AGBL4: variants seen among roughly 807,000 people sequenced by gnomAD.
AGBL4 encodes AGBL carboxypeptidase 4, also known as cytosolic carboxypeptidase 6.
In AGBL4, 58 loss-of-function variants were observed where a neutral mutation model predicts 66.4. The observed-to-expected ratio is 0.87, with a 90% CI of 0.71 to 1.09. AGBL4 has a LOEUF of 1.09. Among genes scored for constraint, AGBL4 ranks in the 50% least tolerant of loss-of-function variants. The pLI is 0.00. For missense variants in AGBL4, 579 were observed against 631.0 expected (o/e 0.92, Z 0.88); for synonymous variants, 234 against 222.9 (o/e 1.05, Z -0.44).
chr1:49,559,656 C>T (rs1643986700), intron 3 of AGBL4, among the ~76,000 whole-genome samples: 1 of 152,150 alleles, frequency 6.6e-6, no homozygotes, highest in African/African-American at 2.4e-5. Context: ...CTGGATGCTT[C>T]CTGCCCTTGA....
At chr1:49,739,861 T>C (rs950390909) in intron 2 of AGBL4, among the ~76,000 whole-genome samples, 1 of 152,148 alleles carries the variant, frequency 6.6e-6, no homozygotes, top group African/African-American at 2.4e-5. Context: ...CTGAGAGATT[T>C]TGTCACCACC....
chr1:49,828,943 C>A (rs1350456859), intron 2 of AGBL4, among the ~76,000 whole-genome samples: 2 of 152,098 alleles, frequency 1.3e-5, no homozygotes, highest in African/African-American at 2.4e-5. Context: ...GTGGCAGACA[C>A]CTGTAGTCCC....
intron 5 of AGBL4, among the ~76,000 whole-genome samples, chr1:48,901,098 T>C (rs1652036598): frequency 6.6e-6 from 1 of 152,164 alleles, no homozygotes. Context: ...GATGTATAGA[T>C]GGTAAATAAG....
chr1:49,238,802 T>C (rs1158973119), intron 4 of AGBL4, among the ~76,000 whole-genome samples: 1 of 152,164 alleles, frequency 6.6e-6, no homozygotes, highest in Non-Finnish European at 1.5e-5. Flanking sequence ...GGGAGCACCT[T>C]TTATTTGTCT....
intron 2 of AGBL4, among the ~76,000 whole-genome samples, chr1:49,723,715 T>A (rs1278932290): frequency 2.0e-5 from 3 of 152,124 alleles, no homozygotes; most frequent in African/African-American, 7.2e-5. Context: ...TTATTATTTA[T>A]AATATCCATC....
At chr1:49,244,892 G>C (rs1651515571) in intron 4 of AGBL4, among the ~76,000 whole-genome samples, 1 of 151,662 alleles carries the variant, frequency 6.6e-6, no homozygotes, top group Non-Finnish European at 1.5e-5. Flanking sequence ...TCATTTTGTT[G>C]TACTCAATCA....
intron 4 of AGBL4, among the ~76,000 whole-genome samples, chr1:49,144,422 T>C (rs1646176119): frequency 6.6e-6 from 1 of 150,524 alleles, no homozygotes; most frequent in South Asian, 2.1e-4. Context: ...AGACATTTCA[T>C]AATTTTAAAA....
Position 49,614,551 on chromosome 1 carries a change from G to A in AGBL4, c.282+82762C>T, listed in dbSNP as rs115373911. On this transcript the variant is annotated intron_variant, in intron 3 of 13. Transcript: ENST00000371839. ...TTGGAGAATATTTGTATACATTACC[G>A]GGACTGAAAAACTGGCATTATATAC... 3.5e-3 allele frequency among the ~76,000 whole-genome samples: 532 copies of A among 152,114 alleles called. 4 individuals carry two copies. Among genetic ancestry groups the A allele is most frequent in the African/African-American group, 0.011 (472 of 41,502 alleles).
At chr1:49,827,224 T>C (rs1315777642) in intron 2 of AGBL4, among the ~76,000 whole-genome samples, 2 of 152,154 alleles carry the variant, frequency 1.3e-5, no homozygotes, top group African/African-American at 4.8e-5. Flanking sequence ...CAATGAAATT[T>C]CAGGGAGCTG....
intron 6 of AGBL4, among the ~76,000 whole-genome samples, chr1:48,825,248 G>A (rs778542723): frequency 2.0e-5 from 3 of 152,096 alleles, no homozygotes; most frequent in Non-Finnish European, 2.9e-5. Context: ...CGATTTTAGC[G>A]CAACCCGCCT....
intron 2 of AGBL4, among the ~76,000 whole-genome samples, chr1:49,721,717 A>G (rs1468186162): frequency 6.6e-6 from 1 of 152,174 alleles, no homozygotes; most frequent in Non-Finnish European, 1.5e-5. Context: ...GCCAAGCAAG[A>G]ATTGATGGAG....
At chr1:48,962,940 A>G (rs1415742669) in intron 5 of AGBL4, among the ~76,000 whole-genome samples, 2 of 151,780 alleles carry the variant, frequency 1.3e-5, no homozygotes, top group South Asian at 2.1e-4. Context: ...TGAAGATAAA[A>G]TAATCCACTA....
chr1:49,666,047 C>T (rs552216071), intron 3 of AGBL4, among the ~76,000 whole-genome samples: 2 of 151,390 alleles, frequency 1.3e-5, no homozygotes, highest in Non-Finnish European at 2.9e-5. Flanking sequence ...AGGCTGAACT[C>T]GAACACCTGG....
chr1:49,275,937 A>G (rs1258245018), intron 3 of AGBL4, among the ~76,000 whole-genome samples: 1 of 152,142 alleles, frequency 6.6e-6, no homozygotes, highest in Non-Finnish European at 1.5e-5. Context: ...CGGAAAGCTC[A>G]CTTGAACATC....
intron 3 of AGBL4, among the ~76,000 whole-genome samples, chr1:49,383,791 G>T (rs1041431756): frequency 3.0e-5 from 4 of 135,300 alleles, no homozygotes; most frequent in African/African-American, 1.5e-4. Flanking sequence ...AAATGAGACT[G>T]TATATATATA....
At chr1:50,001,132 C>A (rs1660720642) in intron 1 of AGBL4, among the ~76,000 whole-genome samples, 1 of 150,968 alleles carries the variant, frequency 6.6e-6, no homozygotes, top group Non-Finnish European at 1.5e-5. Flanking sequence ...ATATATATGT[C>A]TGTATATGTG....
intron 5 of AGBL4, among the ~76,000 whole-genome samples, chr1:48,938,641 C>A (rs544108799): frequency 7.9e-5 from 12 of 152,176 alleles, no homozygotes; most frequent in Non-Finnish European, 1.5e-5. Flanking sequence ...TGTCTATCCC[C>A]ACAGACTTCT....
intron 3 of AGBL4, among the ~76,000 whole-genome samples, chr1:49,382,078 T>G (rs1013970341): frequency 5.3e-5 from 8 of 152,106 alleles, no homozygotes; most frequent in African/African-American, 1.9e-4. Flanking sequence ...GTATTCAGGC[T>G]GATCCACATG....
chr1:49,971,783 GACTTC>G (rs977533202), intron 1 of AGBL4, among the ~76,000 whole-genome samples: 6 of 151,482 alleles, frequency 4.0e-5, no homozygotes, highest in African/African-American at 1.5e-4. Context: ...CCTATATGAA[GACTTC>G]ACTAAGGGAT....
Sources: gnomAD v4.1 joint callset for allele counts (sites outside exome capture counted in the v4.1 genomes callset) on GRCh38, gnomAD v4.1.1 for gene constraint, MANE v1.5 for transcripts, NCBI Gene and HGNC (gene_info 2026-07-23, HGNC 2026-07-21) for gene names.